The following GREB1L variants were observed in gnomAD, a reference collection of about 807,000 sequenced individuals.
GREB1L encodes GREB1-like protein.
A neutral mutation model predicts 200.8 loss-of-function variants in GREB1L; 17 were observed. The ratio of observed to expected loss-of-function variants is 0.08; its 90% CI spans 0.06 to 0.13. The LOEUF (loss-of-function observed/expected upper bound fraction) is 0.13, where lower values mean the gene tolerates loss of function less well. Among genes scored for constraint, GREB1L ranks in the 10% least tolerant of loss-of-function variants. GREB1L has a pLI of 1.00. For missense variants in GREB1L, 1,657 were observed against 2,367.7 expected, an observed-to-expected ratio of 0.70 and a Z score of 6.23; for synonymous variants, 789 against 893.0, an observed-to-expected ratio of 0.88 and a Z score of 2.08.
At chr18:21,450,583 T>C (rs1217677488) in intron 12 of GREB1L, 1 of 153,004 alleles carries the variant, frequency 6.5e-6, no homozygotes, top group East Asian at 1.9e-4. Flanking sequence ...TTAAAGCAAA[T>C]TCATTATAAC....
At chr18:21,436,384 A>G (rs1568009299) in intron 7 of GREB1L, among the ~76,000 whole-genome samples, 1 of 152,176 alleles carries the variant, frequency 6.6e-6, no homozygotes, top group Admixed American at 6.5e-5. Flanking sequence ...CTGTAAACCC[A>G]TCACTTTGGG....
intron 27 of GREB1L, 106 bp downstream of exon 27, chr18:21,508,697 C>T (rs191327625): frequency 4.5e-6 from 4 of 892,094 alleles, no homozygotes; most frequent in Non-Finnish European, 5.3e-6. Context: ...ATTGTCCTGC[C>T]CTCCTCACCA....
chr18:21,408,435 G>T (rs2586202), intron 7 of GREB1L, among the ~76,000 whole-genome samples: 85,531 of 152,030 alleles, frequency 0.56, 26,736 homozygotes, highest in African/African-American at 0.85. Flanking sequence ...TCAAATAATA[G>T]ATACAAATGG....
At chr18:21,454,251 C>T (rs1444803327) in intron 14 of GREB1L, 115 bp from the exon 15 acceptor site, 7 of 687,570 alleles carry the variant, frequency 1.0e-5, no homozygotes, top group African/African-American at 3.6e-5. Context: ...GGTGAGAATT[C>T]GTAGTGAGAG....
At chr18:21,337,856 G>A (rs1315287120) in intron 1 of GREB1L, among the ~76,000 whole-genome samples, 3 of 151,886 alleles carry the variant, frequency 2.0e-5, no homozygotes, top group African/African-American at 7.3e-5. Context: ...GCGTGGTGGT[G>A]GGCGCCTATA....
rs895879903 is a variant in GREB1L at position 21,473,194 on chromosome 18, C to T, written c.2346C>T (p.Ser782=). 2.0e-6 allele frequency: 3 copies of T among 1,530,822 alleles called. No individual in the cohort carries two copies. The highest frequency in any genetic ancestry group is 2.8e-5 in the African/African-American group (2 of 72,328). 94.8% of individuals were successfully genotyped at this position (1,530,822 alleles called of 1,614,324 possible). Residue 782 remains serine (S), a synonymous_variant, in exon 16 of 33, where the codon TCC becomes TCT. Coordinates refer to ENST00000424526, the MANE Select transcript of GREB1L (RefSeq NM_001142966.3). ...TGTTTGTGCTAGTTCATGACAACTC[C>T]CATGTGGAACTAACGAGGTGATTGG... ...YTLFVLVHDN[S]HVELTSVISG... is the part of the protein sequence containing the mutation.
chr18:21,507,975 C>T (rs1475997596), intron 25 of GREB1L, 143 bp from the exon 26 acceptor site: 9 of 724,052 alleles, frequency 1.2e-5, no homozygotes, highest in Admixed American at 5.4e-5. Flanking sequence ...ACCTTTTAGA[C>T]GTGGCTGCTC....
chr18:21,434,571 GTATA>G (rs148448547), intron 7 of GREB1L, among the ~76,000 whole-genome samples: 4 of 136,274 alleles, frequency 2.9e-5, no homozygotes, highest in Non-Finnish European at 3.0e-5. Flanking sequence ...ATATATGTGT[GTATA>G]TATATATATA....
At chr18:21,358,017 A>G (rs182541500) in intron 1 of GREB1L, among the ~76,000 whole-genome samples, 193 of 152,280 alleles carry the variant, frequency 1.3e-3, no homozygotes, top group African/African-American at 8.7e-4. Context: ...GAATTTTGAT[A>G]GGAATTGCAT....
Position 21,403,911 on chromosome 18 carries a change from T to C in GREB1L, c.749T>C (p.Ile250Thr). ...SRQSSASCHS[I>T]KPSSSVSSTV... ...CAATCCTCTGCTTCTTGCCACTCTA[T>C]TAAGCCAAGCTCTTCAGTGTCGTCA... Residue 250 changes from isoleucine (I) to threonine (T), a missense_variant, in exon 7 of 33, where the codon ATT becomes ACT. Coordinates refer to ENST00000424526, the MANE Select transcript of GREB1L (RefSeq NM_001142966.3). 1 of 1,551,476 alleles carries C rather than the reference T, an allele frequency of 6.4e-7. No individual in the cohort carries two copies. Among genetic ancestry groups the C allele is most frequent in the South Asian group, 1.2e-5 (1 of 84,048 alleles).
chr18:21,489,239 G>T (rs1421013080), intron 18 of GREB1L, among the ~76,000 whole-genome samples: 1 of 152,154 alleles, frequency 6.6e-6, no homozygotes, highest in East Asian at 1.9e-4. Context: ...GGTACCAAAG[G>T]CTGCTGCTGC....
At chr18:21,391,891 C>T (rs1387399958) in intron 4 of GREB1L, among the ~76,000 whole-genome samples, 1 of 152,112 alleles carries the variant, frequency 6.6e-6, no homozygotes, top group East Asian at 1.9e-4. Flanking sequence ...CTCACTGCAA[C>T]CTCTGCCTCC....
chr18:21,321,881 A>G (rs897432996), intron 1 of GREB1L, among the ~76,000 whole-genome samples: 1 of 152,192 alleles, frequency 6.6e-6, no homozygotes, highest in African/African-American at 2.4e-5. Flanking sequence ...CAAAAGATGG[A>G]TGTTTCTTTT....
At chr18:21,490,681 G>GA (rs541666673) in intron 19 of GREB1L, among the ~76,000 whole-genome samples, 104 of 152,008 alleles carry the variant, frequency 6.8e-4, no homozygotes, top group African/African-American at 2.3e-3. Flanking sequence ...TGTTTTCTGA[G>GA]AAAAAAAGGT....
chr18:21,512,581 T>C (rs1371211075), intron 27 of GREB1L, among the ~76,000 whole-genome samples: 1 of 152,220 alleles, frequency 6.6e-6, no homozygotes, highest in Non-Finnish European at 1.5e-5. Context: ...TTTTTAGTTT[T>C]CTATGTATAT....
chr18:21,262,484 A>C (rs2037904790), intron 1 of GREB1L, among the ~76,000 whole-genome samples: 1 of 152,174 alleles, frequency 6.6e-6, no homozygotes, highest in South Asian at 2.1e-4. Flanking sequence ...GCTTAGAGAT[A>C]CTTTTGCTCC....
At chr18:21,244,915 T>C (rs1361313616) in intron 1 of GREB1L, among the ~76,000 whole-genome samples, 1 of 152,240 alleles carries the variant, frequency 6.6e-6, no homozygotes, top group Non-Finnish European at 1.5e-5. Flanking sequence ...AAATTAACTT[T>C]ACCTACTTGA....
intron 1 of GREB1L, among the ~76,000 whole-genome samples, chr18:21,327,939 C>A (rs1416988786): frequency 2.0e-5 from 3 of 152,118 alleles, no homozygotes; most frequent in African/African-American, 7.2e-5. Context: ...TGGTCTTGAT[C>A]TCCTGACCTC....
chr18:21,520,637 T>C (rs960128658), intron 31 of GREB1L, 51 bp from the exon 32 acceptor site: 1 of 1,544,412 alleles, frequency 6.5e-7, no homozygotes, highest in Non-Finnish European at 8.8e-7. Context: ...GAACTGCAGA[T>C]ATTTTGCTTG....
Sources: allele counts gnomAD v4.1 joint callset (sites outside exome capture counted in the v4.1 genomes callset), GRCh38; gene constraint gnomAD v4.1.1; transcripts MANE v1.5; gene names NCBI Gene and HGNC (gene_info 2026-07-23, HGNC 2026-07-21).